Variants in COL4A4 observed in about 807,000 individuals in gnomAD.
COL4A4 encodes collagen alpha-4(IV) chain.
A neutral mutation model predicts 192.9 loss-of-function variants in COL4A4; 105 were observed. The observed-to-expected ratio is 0.54, with a 90% CI of 0.46 to 0.64. The LOEUF (loss-of-function observed/expected upper bound fraction) is 0.64. COL4A4 is among the 30% of genes least tolerant of loss of function. COL4A4 has a pLI of 0.00. For missense variants in COL4A4, 1,967 were observed against 2,169.3 expected (o/e 0.91, Z 1.85); for synonymous variants, 762 against 769.9 (o/e 0.99, Z 0.17).
At chr2:227,055,626 G>T (rs570548644) in intron 30 of COL4A4, among the ~76,000 whole-genome samples, 1 of 152,256 alleles carries the variant, frequency 6.6e-6, no homozygotes, top group South Asian at 2.1e-4. Flanking sequence ...CCCCTAACAG[G>T]GGGTAGGGAT....
chr2:227,112,329 C>T (rs1354226611), intron 8 of COL4A4, among the ~76,000 whole-genome samples: 1 of 150,358 alleles, frequency 6.7e-6, no homozygotes, highest in Non-Finnish European at 1.5e-5. Flanking sequence ...AGTGCAGTGG[C>T]GCCATCTCCC....
chr2:227,033,248 C>T (rs1968810445), intron 38 of COL4A4, among the ~76,000 whole-genome samples, 162 bp downstream of exon 38: 1 of 152,168 alleles, frequency 6.6e-6, no homozygotes, highest in South Asian at 2.1e-4. Flanking sequence ...ATGTCATTTT[C>T]AGCACTAAAA....
chr2:226,972,735 C>T, the COL4A4 span, among the ~76,000 whole-genome samples: 1 of 152,116 alleles, frequency 6.6e-6, no homozygotes, highest in South Asian at 2.1e-4. Flanking sequence ...TCTCTCGAGT[C>T]CAGGGGCTCT....
At chr2:226,986,273 C>T in the COL4A4 span, among the ~76,000 whole-genome samples, 822 of 152,052 alleles carry the variant, frequency 5.4e-3, 10 homozygotes, top group African/African-American at 0.019. Flanking sequence ...AGGATTGGAC[C>T]CCGAACAGAA....
chr2:227,062,478 T>C (rs957794811), intron 26 of COL4A4, 52 bp downstream of exon 26: 8 of 1,199,770 alleles, frequency 6.7e-6, no homozygotes, highest in Non-Finnish European at 9.9e-6. Flanking sequence ...GGCTGGTTTT[T>C]TTTTTTTTAC....
the COL4A4 span, among the ~76,000 whole-genome samples, chr2:226,971,127 TTCATGGGCC>T: frequency 6.6e-6 from 1 of 152,214 alleles, no homozygotes; most frequent in Non-Finnish European, 1.5e-5. Context: ...CTGGAACATT[TTCATGGGCC>T]TTTAAAAAAC....
chr2:227,036,839 T>C (rs1014178870), intron 37 of COL4A4, among the ~76,000 whole-genome samples: 3 of 152,144 alleles, frequency 2.0e-5, no homozygotes, highest in African/African-American at 7.2e-5. Flanking sequence ...ATGATGTTCA[T>C]AGCTCTAAGG....
intron 25 of COL4A4, among the ~76,000 whole-genome samples, chr2:227,067,295 T>C (rs2058404953): frequency 6.6e-6 from 1 of 152,070 alleles, no homozygotes. Flanking sequence ...ACTGTCAACA[T>C]TAGACAGATC....
At chr2:227,151,174 A>C (rs1022858489) in intron 1 of COL4A4, among the ~76,000 whole-genome samples, 1 of 152,202 alleles carries the variant, frequency 6.6e-6, no homozygotes, top group Non-Finnish European at 1.5e-5. Context: ...ATCCTAATGC[A>C]ATGTATTTCC....
At chr2:227,137,804 G>A (rs2062918091) in intron 4 of COL4A4, among the ~76,000 whole-genome samples, 1 of 152,002 alleles carries the variant, frequency 6.6e-6, no homozygotes, top group Non-Finnish European at 1.5e-5. Flanking sequence ...TATTTATCTT[G>A]GTCCTGAAGC....
At position 227,008,001 on chromosome 2, in the gene COL4A4, A is replaced by G. The variant is rs1243055864; in HGVS notation, c.4809+17T>C. 2 of 1,606,308 alleles carry G rather than the reference A, an allele frequency of 1.2e-6. No individual in the cohort carries two copies. The highest frequency in any genetic ancestry group is 8.5e-7 in the Non-Finnish European group (1 of 1,179,894). On this transcript the variant is annotated intron_variant, in intron 47 of 47. Coordinates refer to ENST00000396625, the MANE Select transcript of COL4A4 (RefSeq NM_000092.5). ...AAATGGTGAATGAGCCAGGGTTTTC[A>G]AGGGCACGGGACTCACCATCAGGAA...
At chr2:226,975,466 G>A in the COL4A4 span, among the ~76,000 whole-genome samples, 1 of 152,186 alleles carries the variant, frequency 6.6e-6, no homozygotes, top group African/African-American at 2.4e-5. Context: ...CACTCCTAGA[G>A]GGAGCAACTT....
At chr2:227,070,345 T>A (rs1205265370) in intron 25 of COL4A4, among the ~76,000 whole-genome samples, 1 of 152,094 alleles carries the variant, frequency 6.6e-6, no homozygotes, top group African/African-American at 2.4e-5. Context: ...GAAATACCAT[T>A]TGAACCAGCC....
In COL4A4 at chr2:227,078,004, G is replaced by A. The variant is rs1468423581; in HGVS notation, c.1877C>T (p.Pro626Leu). 6.2e-7 allele frequency: 1 copy of A among 1,613,978 alleles called. No homozygotes were observed. The highest frequency in any genetic ancestry group is 1.7e-5 in the Admixed American group (1 of 60,018). Residue 626 changes from proline to leucine, a missense_variant, in exon 25 of 48, where the codon CCT becomes CTT. Coordinates refer to ENST00000396625, the MANE Select transcript of COL4A4 (RefSeq NM_000092.5). ...GPLGPPGKAG[P>L]VGPPGLGFPG... Reference sequence around the variant, plus strand: ...AAATCCCAGTCCTGGGGGCCCCACAGGTCCTGCTTTGCCTGGGGGGCCCAG... The same window carrying A: ...AAATCCCAGTCCTGGGGGCCCCACAAGTCCTGCTTTGCCTGGGGGGCCCAG...
intron 24 of COL4A4, among the ~76,000 whole-genome samples, chr2:227,078,770 T>G (rs1334296633): frequency 6.6e-6 from 1 of 152,188 alleles, no homozygotes; most frequent in African/African-American, 2.4e-5. Flanking sequence ...ATAGCTAGAC[T>G]CCATCATCCT....
intron 9 of COL4A4, among the ~76,000 whole-genome samples, chr2:227,110,778 G>T (rs1376695949): frequency 6.6e-6 from 1 of 150,836 alleles, no homozygotes; most frequent in Non-Finnish European, 1.5e-5. Context: ...CTGCCTTCCG[G>T]GTTCGAGTGA....
intron 37 of COL4A4, among the ~76,000 whole-genome samples, chr2:227,037,860 A>G (rs1217079739): frequency 6.6e-6 from 1 of 151,920 alleles, no homozygotes; most frequent in Non-Finnish European, 1.5e-5. Flanking sequence ...TTTTATTTTC[A>G]TATGTTTGTT....
chr2:227,035,337 A>G (rs1969400468), intron 37 of COL4A4, among the ~76,000 whole-genome samples: 1 of 152,224 alleles, frequency 6.6e-6, no homozygotes, highest in Non-Finnish European at 1.5e-5. Context: ...TAGAGGTATC[A>G]GTTTGCATAT....
intron 20 of COL4A4, among the ~76,000 whole-genome samples, chr2:227,091,712 G>C (rs915354699): frequency 5.9e-5 from 9 of 152,114 alleles, no homozygotes; most frequent in Admixed American, 5.2e-4. Context: ...TGGCCAACAT[G>C]GTGAAACCCT....
Sources: gnomAD v4.1 joint callset for allele counts (sites outside exome capture counted in the v4.1 genomes callset) on GRCh38, gnomAD v4.1.1 for gene constraint, MANE v1.5 for transcripts, NCBI Gene and HGNC (gene_info 2026-07-23, HGNC 2026-07-21) for gene names.